Variants in HIVEP3 observed in about 807,000 individuals in gnomAD.
HIVEP3 encodes HIVEP zinc finger 3.
Under a neutral mutation model 152.8 loss-of-function variants are expected in HIVEP3, and 49 were observed. The ratio of observed to expected loss-of-function variants is 0.32; its 90% CI spans 0.26 to 0.41. The LOEUF (loss-of-function observed/expected upper bound fraction) is 0.41. Ranked by LOEUF, HIVEP3 falls within the 10% of genes least tolerant of loss-of-function variation. The pLI is 1.00. For synonymous variants in HIVEP3, 1,269 were observed against 1,289.0 expected (o/e 0.98, Z 0.33); for missense variants, 2,790 against 3,103.3 (o/e 0.90, Z 2.40).
intron 1 of HIVEP3, among the ~76,000 whole-genome samples, chr1:42,003,599 G>C (rs1645441090): frequency 6.6e-6 from 1 of 152,040 alleles, no homozygotes; most frequent in African/African-American, 2.4e-5. Flanking sequence ...CTCCTTCCTG[G>C]CACAGATCCT....
chr1:41,701,067 G>C lies in HIVEP3; in HGVS notation c.-800-72C>G, dbSNP rs894695521. ...CAACTTTCATCTGAGTTTGAAAAAG[G>C]CACCCAAAAATGGTGAGCACAGCCT... On this transcript the variant is annotated intron_variant, in intron 1 of 8. Transcript: ENST00000372583. 15 of 733,580 alleles carry C rather than the reference G, an allele frequency of 2.0e-5. No homozygotes were observed. In the Admixed American group the frequency reaches 2.5e-4, roughly 12 times the overall value. 45.4% of individuals were successfully genotyped at this position (733,580 alleles called of 1,614,324 possible). A position where few individuals can be genotyped will look rare whatever the true frequency, so the allele number is the denominator to read the frequency against.
chr1:41,780,439 G>C (rs1336581637), intron 1 of HIVEP3, among the ~76,000 whole-genome samples: 2 of 152,230 alleles, frequency 1.3e-5, no homozygotes, highest in Non-Finnish European at 2.9e-5. Flanking sequence ...TGCTGAGCCA[G>C]AGCAGGGCAG....
intron 5 of HIVEP3, among the ~76,000 whole-genome samples, chr1:41,530,975 G>T (rs550290395): frequency 6.6e-6 from 1 of 152,348 alleles, no homozygotes; most frequent in South Asian, 2.1e-4. Context: ...GCCTGCTGGG[G>T]AACACGAGGG....
intron 1 of HIVEP3, among the ~76,000 whole-genome samples, chr1:41,889,197 A>G (rs567795738): frequency 6.6e-6 from 1 of 151,288 alleles, no homozygotes; most frequent in African/African-American, 2.4e-5. Flanking sequence ...TCTCACACAC[A>G]CACACACCAC....
chr1:41,929,574 C>T (rs1644985203), intron 1 of HIVEP3, among the ~76,000 whole-genome samples: 1 of 151,802 alleles, frequency 6.6e-6, no homozygotes, highest in Non-Finnish European at 1.5e-5. Context: ...GTGCTCACTG[C>T]TACTGGGATG....
At chr1:41,682,316 T>A (rs1309965458) in intron 2 of HIVEP3, among the ~76,000 whole-genome samples, 1 of 152,128 alleles carries the variant, frequency 6.6e-6, no homozygotes, top group Non-Finnish European at 1.5e-5. Flanking sequence ...TCCGTGGCAC[T>A]CTGTGCTTAT....
intron 5 of HIVEP3, among the ~76,000 whole-genome samples, chr1:41,573,662 T>C (rs942172241): frequency 6.6e-6 from 1 of 152,182 alleles, no homozygotes; most frequent in Admixed American, 6.5e-5. Flanking sequence ...ATAGCCTTCA[T>C]ATGGGGTCTC....
At chr1:42,014,720 G>C (rs3909262) in intron 1 of HIVEP3, among the ~76,000 whole-genome samples, 27,514 of 152,118 alleles carry the variant, frequency 0.18, 2,575 homozygotes, top group Admixed American at 0.27. Context: ...TAAATGCTAT[G>C]ATCAATAACA....
At chr1:41,554,566 G>T (rs1053751742) in intron 5 of HIVEP3, among the ~76,000 whole-genome samples, 12 of 152,130 alleles carry the variant, frequency 7.9e-5, no homozygotes, top group African/African-American at 2.9e-4. Context: ...AGGAGAAGAG[G>T]CACTCTGATC....
intron 1 of HIVEP3, among the ~76,000 whole-genome samples, chr1:41,897,941 GAGAGAGA>G (rs1557498720): frequency 4.3e-4 from 4 of 9,220 alleles, no homozygotes; most frequent in African/African-American, 3.6e-3. Flanking sequence ...GAGAGAGGGA[GAGAGAGA>G]GAGAGAGAGA....
intron 2 of HIVEP3, among the ~76,000 whole-genome samples, chr1:41,670,599 G>C (rs991770807): frequency 6.6e-6 from 1 of 152,172 alleles, no homozygotes; most frequent in East Asian, 1.9e-4. Flanking sequence ...GTAAACTATA[G>C]AGCATATTAG....
At chr1:41,954,329 A>G (rs1435332611) in intron 1 of HIVEP3, among the ~76,000 whole-genome samples, 2 of 152,392 alleles carry the variant, frequency 1.3e-5, no homozygotes, top group Admixed American at 1.3e-4. Flanking sequence ...ACTTTCTAGC[A>G]TGCATAAAAG....
chr1:41,648,523 C>T (rs1645496556), intron 2 of HIVEP3, among the ~76,000 whole-genome samples: 1 of 152,228 alleles, frequency 6.6e-6, no homozygotes, highest in African/African-American at 2.4e-5. Context: ...CAGAGATGAT[C>T]AATAGCAAAT....
chr1:41,579,892 T>C lies in HIVEP3; in HGVS notation c.4906A>G (p.Asn1636Asp), dbSNP rs1569983165. Residue 1636 changes from asparagine to aspartate, a missense_variant, in exon 4 of 9, where the codon AAC (asparagine) becomes GAC (aspartate). Physicochemically the swap from Asn to Asp is conservative, Grantham distance 23. This residue lies in a region of HIVEP3 where 1,078 missense variants were observed against 1,165.3 expected (regional missense o/e 0.93). Transcript: ENST00000372583. ...GTGGAAACCCCCGGAAGGTTGGGGT[T>C]GTACAAACTTATGCACCAACCAGCG... ...VYAGWCISLYNPNLPGVSTKA... is the reference protein window; with the variant it reads ...VYAGWCISLYDPNLPGVSTKA... 1 of 1,614,216 alleles carries C rather than the reference T, an allele frequency of 6.2e-7. No individual in the cohort carries two copies.
rs371981845 is a variant in HIVEP3, at chr1:41,873,357, A to G, written c.-801+45056T>C. Among the ~76,000 whole-genome samples, 73 of 152,366 alleles carry G rather than the reference A, an allele frequency of 4.8e-4. No individual in the cohort carries two copies. The South Asian group carries it at 0.014, about 29-fold the overall frequency. ...CCGGGGACATGCACTCAGCTGGCCC[A>G]GGCACCGATAACCTAGCATGTCCTT... On this transcript the variant is annotated intron_variant, in intron 1 of 8. Coordinates refer to ENST00000372583, the MANE Select transcript of HIVEP3 (RefSeq NM_024503.5). This position sits in a 1 kb window ranked among gnomAD's most constrained non-coding sequence, Gnocchi z 4.2.
At chr1:41,713,637 T>A (rs189436384) in intron 1 of HIVEP3, among the ~76,000 whole-genome samples, 1 of 152,360 alleles carries the variant, frequency 6.6e-6, no homozygotes, top group East Asian at 1.9e-4. Flanking sequence ...ATTAAATTTG[T>A]AACCTGGTAC....
At chr1:41,799,792 C>G (rs1349420253) in intron 1 of HIVEP3, among the ~76,000 whole-genome samples, 1 of 151,824 alleles carries the variant, frequency 6.6e-6, no homozygotes, top group Non-Finnish European at 1.5e-5. Context: ...AAAATGGCAC[C>G]CCCCCTTCCC....
At chr1:42,021,134 G>A (rs2124535127) in intron 1 of HIVEP3, among the ~76,000 whole-genome samples, 1 of 152,292 alleles carries the variant, frequency 6.6e-6, no homozygotes, top group Admixed American at 6.5e-5. Context: ...TGAAAAGACT[G>A]TTCTAACGAA....
intron 1 of HIVEP3, among the ~76,000 whole-genome samples, chr1:41,991,277 A>C (rs562457585): frequency 6.6e-6 from 1 of 152,092 alleles, no homozygotes; most frequent in Non-Finnish European, 1.5e-5. Context: ...AAAAAGAGAG[A>C]AGAATCAAAT....
Sources: gnomAD v4.1 joint callset for allele counts (sites outside exome capture counted in the v4.1 genomes callset) on GRCh38, gnomAD v4.1.1 for gene constraint, gnomAD v4.1.1 regional missense constraint, Gnocchi (gnomAD v3.1) non-coding constraint, MANE v1.5 for transcripts, NCBI Gene and HGNC (gene_info 2026-07-23, HGNC 2026-07-21) for gene names.